GPM6A: variants seen among roughly 807,000 people sequenced by gnomAD.
The protein encoded by GPM6A is neuronal membrane glycoprotein M6-a.
GPM6A carries 7 observed loss-of-function variants against 32.1 expected under a neutral mutation model. The observed-to-expected ratio is 0.22, with a 90% confidence interval of 0.12 to 0.41. The LOEUF is 0.41. Among genes scored for constraint, GPM6A ranks in the 10% least tolerant of loss-of-function variants. GPM6A has a pLI of 1.00. For missense variants in GPM6A, 235 were observed against 347.2 expected (o/e 0.68, Z 2.57); for synonymous variants, 130 against 123.4 (o/e 1.05, Z -0.35).
At chr4:175,912,731 A>G (rs1560990768) in intron 1 of GPM6A, among the ~76,000 whole-genome samples, 1 of 152,162 alleles carries the variant, frequency 6.6e-6, no homozygotes, top group Non-Finnish European at 1.5e-5. Flanking sequence ...CTACCTGGAA[A>G]TTCACATCAA....
chr4:175,634,706 A>T lies in GPM6A; in HGVS notation c.*199T>A, dbSNP rs937418832. On this transcript the variant is annotated 3_prime_UTR_variant, in exon 7 of 7. Transcript: ENST00000393658. ...AAGGCTGGATAGGAGCTTGTAGAAAAGATCTGATTTACATCAATTTAATAA... is the reference window on the plus strand; with the variant it reads ...AAGGCTGGATAGGAGCTTGTAGAAATGATCTGATTTACATCAATTTAATAA... The T allele has an allele frequency of 2.0e-6, 1 of 500,930 alleles. No homozygotes were observed. The highest frequency in any genetic ancestry group is 2.0e-5 in the African/African-American group (1 of 51,082). 31.0% of individuals were successfully genotyped at this position (500,930 alleles called of 1,614,324 possible).
chr4:175,928,802 A>G (rs558087112), intron 1 of GPM6A, among the ~76,000 whole-genome samples: 105 of 152,340 alleles, frequency 6.9e-4, no homozygotes, highest in African/African-American at 1.9e-3. Context: ...ACTTGGTTTT[A>G]TAGTATAGTT....
At chr4:175,957,808 C>A (rs367712508) in intron 1 of GPM6A, among the ~76,000 whole-genome samples, 9 of 152,154 alleles carry the variant, frequency 5.9e-5, no homozygotes, top group East Asian at 3.9e-4. Flanking sequence ...TTGTGCCTAC[C>A]TTTGTAACAT....
intron 1 of GPM6A, among the ~76,000 whole-genome samples, chr4:175,852,170 G>A (rs1225926236): frequency 6.6e-6 from 1 of 152,010 alleles, no homozygotes; most frequent in Admixed American, 6.6e-5. Context: ...TTAGAGTTTG[G>A]CATTATTCCT....
intron 4 of GPM6A, among the ~76,000 whole-genome samples, chr4:175,644,582 G>A (rs1043947226): frequency 1.3e-5 from 2 of 151,988 alleles, no homozygotes; most frequent in African/African-American, 4.8e-5. Flanking sequence ...AAGGGAGCAC[G>A]TGGAGGATGA....
At chr4:175,731,898 G>A (rs753761069) in intron 1 of GPM6A, among the ~76,000 whole-genome samples, 1 of 151,296 alleles carries the variant, frequency 6.6e-6, no homozygotes, top group Non-Finnish European at 1.5e-5. Context: ...TGCACTGGCT[G>A]TTCCTTGTAC....
intron 2 of GPM6A, among the ~76,000 whole-genome samples, chr4:175,695,739 G>A (rs1229373581): frequency 6.6e-6 from 1 of 152,090 alleles, no homozygotes; most frequent in Non-Finnish European, 1.5e-5. Context: ...AGAATTTGGG[G>A]GAACTTAGGG....
intron 1 of GPM6A, among the ~76,000 whole-genome samples, chr4:175,998,941 C>A (rs1403467187): frequency 3.2e-5 from 2 of 62,824 alleles, no homozygotes; most frequent in East Asian, 9.2e-4. Flanking sequence ...AAAATCAAAT[C>A]CCATCCTGTC....
intron 1 of GPM6A, among the ~76,000 whole-genome samples, chr4:175,752,985 T>C (rs764475787): frequency 2.0e-5 from 3 of 152,188 alleles, no homozygotes; most frequent in Non-Finnish European, 4.4e-5. Context: ...AATCATTTAA[T>C]CAATTCCATT....
chr4:175,910,541 G>T (rs967999364), intron 1 of GPM6A, among the ~76,000 whole-genome samples: 2 of 152,112 alleles, frequency 1.3e-5, no homozygotes, highest in East Asian at 3.9e-4. Context: ...ATGATGAGCT[G>T]GTGTTATAAC....
At chr4:175,831,188 C>T (rs967588460) in intron 1 of GPM6A, among the ~76,000 whole-genome samples, 1 of 152,060 alleles carries the variant, frequency 6.6e-6, no homozygotes, top group African/African-American at 2.4e-5. Flanking sequence ...TGCAGAGCCA[C>T]ACTCTGGATA....
Position 175,634,843 on chromosome 4 carries a change from G to T in GPM6A, c.*62C>A. The stretch of plus-strand genomic sequence containing the variant: ...CGTTTTGTTTTTTAAAGGTTGGATG[G>T]TTGGATGGCCCTTAGTTAAACACCA... On this transcript the variant is annotated 3_prime_UTR_variant, in exon 7 of 7. Coordinates refer to ENST00000393658, the MANE Select transcript of GPM6A (RefSeq NM_201591.3). The T allele has an allele frequency of 7.0e-7, 1 of 1,419,642 alleles. No individual in the cohort carries two copies. Among genetic ancestry groups the T allele is most frequent in the African/African-American group, 1.4e-5 (1 of 70,358 alleles). The allele number at this position is 1,419,642 out of a possible 1,614,324, so 87.9% of individuals were successfully genotyped here. A position where few individuals can be genotyped will look rare whatever the true frequency, so the allele number is the denominator to read the frequency against.
intron 1 of GPM6A, among the ~76,000 whole-genome samples, chr4:175,950,848 T>C (rs923314307): frequency 6.6e-6 from 1 of 152,198 alleles, no homozygotes; most frequent in African/African-American, 2.4e-5. Flanking sequence ...TTATCAGCCA[T>C]AATTTCAACA....
chr4:175,713,967 CCTT>C (rs1226152510), intron 1 of GPM6A, among the ~76,000 whole-genome samples: 9 of 151,764 alleles, frequency 5.9e-5, no homozygotes, highest in African/African-American at 2.2e-4. Flanking sequence ...GTCTTTTAGT[CCTT>C]CTGTGAAAAT....
In GPM6A at chr4:175,704,585, A is replaced by C. The variant is rs575359489; in HGVS notation, c.38-2818T>G. Among the ~76,000 whole-genome samples, 6 of 152,338 alleles carry C rather than the reference A, an allele frequency of 3.9e-5. No homozygotes were observed. In the East Asian group the frequency reaches 1.2e-3, roughly 29 times the overall value. ...TCCACCTCACTGATTATTTAAAAATAATAATCATAAAAAAATTAGTGCCAG... is the reference window on the plus strand; with the variant it reads ...TCCACCTCACTGATTATTTAAAAATCATAATCATAAAAAAATTAGTGCCAG... On this transcript the variant is annotated intron_variant, in intron 1 of 6. Transcript: ENST00000393658.
chr4:175,948,071 C>T (rs1415451168), intron 1 of GPM6A, among the ~76,000 whole-genome samples: 1 of 152,138 alleles, frequency 6.6e-6, no homozygotes, highest in Non-Finnish European at 1.5e-5. Flanking sequence ...CATCCCATTT[C>T]AGAGTTAGTA....
chr4:175,930,605 G>C (rs1052045305), intron 1 of GPM6A, among the ~76,000 whole-genome samples: 3 of 151,764 alleles, frequency 2.0e-5, no homozygotes, highest in African/African-American at 7.3e-5. Context: ...AGGTTCTTTT[G>C]AGCCTCAAAA....
chr4:175,750,242 G>C (rs1732273774), intron 1 of GPM6A, among the ~76,000 whole-genome samples: 1 of 151,964 alleles, frequency 6.6e-6, no homozygotes, highest in South Asian at 2.1e-4. Context: ...ATTTTTATTA[G>C]AGATGGGGTT....
chr4:175,788,586 A>G (rs2111268594), intron 1 of GPM6A, among the ~76,000 whole-genome samples: 1 of 152,298 alleles, frequency 6.6e-6, no homozygotes, highest in Non-Finnish European at 1.5e-5. Flanking sequence ...AGAAAATTTA[A>G]TGTAAGAGAC....
Sources: allele counts gnomAD v4.1 joint callset (sites outside exome capture counted in the v4.1 genomes callset), GRCh38; gene constraint gnomAD v4.1.1; transcripts MANE v1.5; gene names NCBI Gene and HGNC (gene_info 2026-07-23, HGNC 2026-07-21).